Variants in MGAT4A observed in about 807,000 individuals in gnomAD.
MGAT4A encodes the protein alpha-1,3-mannosyl-glycoprotein 4-beta-N-acetylglucosaminyltransferase A.
Under a neutral mutation model 74.1 loss-of-function variants are expected in MGAT4A, and 33 were observed. The observed-to-expected ratio is 0.45, with a 90% CI of 0.34 to 0.60. The LOEUF (loss-of-function observed/expected upper bound fraction) is 0.60, where lower values mean the gene tolerates loss of function less well. Ranked by LOEUF, MGAT4A falls within the 20% of genes least tolerant of loss-of-function variation. The probability of loss-of-function intolerance (pLI) is 0.02; values close to 1 mark genes in which losing one functional copy is unlikely to be tolerated. For synonymous variants in MGAT4A, 198 were observed against 210.4 expected (o/e 0.94, Z 0.51); for missense variants, 479 against 628.3 (o/e 0.76, Z 2.54).
intron 3 of MGAT4A, 128 bp from the exon 4 acceptor site, chr2:98,675,303 T>A: frequency 1.6e-6 from 1 of 639,564 alleles, no homozygotes; most frequent in Non-Finnish European, 2.6e-6. Flanking sequence ...CACACTCTGG[T>A]GAATGAGATC....
chr2:98,708,358 C>T (rs1330322776), intron 2 of MGAT4A, among the ~76,000 whole-genome samples: 3 of 152,068 alleles, frequency 2.0e-5, no homozygotes, highest in Non-Finnish European at 4.4e-5. Flanking sequence ...TAGATATACT[C>T]GCTGATAATG....
chr2:98,720,794 A>C lies in MGAT4A; in HGVS notation c.94+5445T>G, dbSNP rs150199952. Among the ~76,000 whole-genome samples, 46 of 152,364 alleles carry C rather than the reference A, an allele frequency of 3.0e-4. 1 individual carries two copies. The highest frequency in any genetic ancestry group is 1.5e-3 in the Admixed American group (23 of 15,302). On this transcript the variant is annotated intron_variant, in intron 2 of 15. Transcript: ENST00000393487. The stretch of plus-strand genomic sequence containing the variant: ...AAAAATGAAAAATGAACACAGCCTC[A>C]GAGAAAGGTGGAACACCAATAAGCA...
chr2:98,681,987 G>T (rs1165357299), intron 2 of MGAT4A, among the ~76,000 whole-genome samples: 1 of 151,954 alleles, frequency 6.6e-6, no homozygotes, highest in Non-Finnish European at 1.5e-5. Flanking sequence ...CGATGGTAAT[G>T]GATTATAACC....
At position 98,622,983 on chromosome 2, in the gene MGAT4A, A is replaced by C; in HGVS notation, c.*2583T>G. The C allele has an allele frequency of 1.0e-6, 1 of 982,108 alleles. No individual in the cohort carries two copies. The allele number at this position is 982,108 out of a possible 1,614,324, so 60.8% of individuals were successfully genotyped here. A position where few individuals can be genotyped will look rare whatever the true frequency, so the allele number is the denominator to read the frequency against. ...CAGTGAGCTATGAGAGCACCACTGC[A>C]CTCCAGCCTGGGCAACAAAGCGAGA... On this transcript the variant is annotated 3_prime_UTR_variant, in exon 16 of 16. Coordinates refer to ENST00000393487, the MANE Select transcript of MGAT4A (RefSeq NM_012214.3).
chr2:98,699,968 G>C (rs748365909), intron 2 of MGAT4A, among the ~76,000 whole-genome samples: 14 of 152,152 alleles, frequency 9.2e-5, no homozygotes, highest in Admixed American at 1.3e-4. Flanking sequence ...TATAGGATAC[G>C]TGACCCGTCC....
intron 8 of MGAT4A, among the ~76,000 whole-genome samples, chr2:98,654,016 A>C (rs1274921705): frequency 6.6e-6 from 1 of 152,154 alleles, no homozygotes. Context: ...CACAAAAATC[A>C]ATCAGTGTAA....
At chr2:98,721,926 T>C (rs1702677975) in intron 2 of MGAT4A, among the ~76,000 whole-genome samples, 1 of 152,186 alleles carries the variant, frequency 6.6e-6, no homozygotes, top group South Asian at 2.1e-4. Context: ...TATGTATGCA[T>C]ATGCAACCCA....
chr2:98,704,836 C>T (rs1409910512), intron 2 of MGAT4A, among the ~76,000 whole-genome samples: 1 of 152,096 alleles, frequency 6.6e-6, no homozygotes, highest in African/African-American at 2.4e-5. Flanking sequence ...TAGCAAATTT[C>T]CCTCAAGATC....
At chr2:98,699,995 G>A (rs1702329086) in intron 2 of MGAT4A, among the ~76,000 whole-genome samples, 1 of 152,130 alleles carries the variant, frequency 6.6e-6, no homozygotes. Flanking sequence ...TTTTCTGCAC[G>A]TGAGATAACA....
intron 2 of MGAT4A, among the ~76,000 whole-genome samples, chr2:98,686,004 C>CAG (rs2104297780): frequency 6.6e-6 from 1 of 152,272 alleles, no homozygotes; most frequent in South Asian, 2.1e-4. Context: ...TTAAGGGTTC[C>CAG]AGGGACAGGG....
At chr2:98,652,208 C>T (rs559756590) in intron 8 of MGAT4A, among the ~76,000 whole-genome samples, 56 of 152,226 alleles carry the variant, frequency 3.7e-4, no homozygotes, top group Admixed American at 5.9e-4. Flanking sequence ...TATAATCAAA[C>T]GGACCCGACA....
intron 12 of MGAT4A, among the ~76,000 whole-genome samples, 166 bp downstream of exon 12, chr2:98,639,642 T>C (rs570748720): frequency 9.2e-5 from 14 of 152,180 alleles, no homozygotes; most frequent in Non-Finnish European, 1.9e-4. Flanking sequence ...GAAAACAACA[T>C]ACTCGTTTTA....
intron 1 of MGAT4A, among the ~76,000 whole-genome samples, chr2:98,727,531 C>T (rs1257864865): frequency 1.3e-5 from 2 of 152,192 alleles, no homozygotes; most frequent in Non-Finnish European, 2.9e-5. Context: ...CCTGGAGGCA[C>T]GCCAGGCCCT....
chr2:98,714,500 A>C (rs1279313089), intron 2 of MGAT4A, among the ~76,000 whole-genome samples: 5 of 152,206 alleles, frequency 3.3e-5, no homozygotes, highest in Non-Finnish European at 7.3e-5. Flanking sequence ...AATTCAAGAA[A>C]CGCAGGTGGA....
intron 3 of MGAT4A, among the ~76,000 whole-genome samples, chr2:98,677,010 AT>A (rs1469814038): frequency 2.6e-5 from 4 of 152,342 alleles, no homozygotes; most frequent in African/African-American, 9.6e-5. Flanking sequence ...GGATCTGGAG[AT>A]GAGAGGAATT....
intron 8 of MGAT4A, among the ~76,000 whole-genome samples, chr2:98,652,723 C>G (rs1270155604): frequency 6.6e-6 from 1 of 152,120 alleles, no homozygotes; most frequent in Non-Finnish European, 1.5e-5. Flanking sequence ...TCAACTGATA[C>G]TCCCACCTCA....
chr2:98,697,422 G>C (rs780559522), intron 2 of MGAT4A, among the ~76,000 whole-genome samples: 1 of 152,162 alleles, frequency 6.6e-6, no homozygotes, highest in Non-Finnish European at 1.5e-5. Context: ...TGTGACTATC[G>C]ACACCACAGG....
At position 98,678,461 on chromosome 2, in the gene MGAT4A, A is replaced by T; in HGVS notation, c.105T>A (p.Ile35=). 4 of 1,573,188 alleles carry T rather than the reference A, an allele frequency of 2.5e-6. No homozygotes were observed. The highest frequency in any genetic ancestry group is 3.5e-6 in the Non-Finnish European group (4 of 1,153,696). ...AAGCAAGGAATTCTCGTTGATAAGC[A>T]ATCAGTTTTTCTAGAAGCAAAACCA... The part of the protein sequence containing the change: ...TTWQNGKEKL[I]AYQREFLALK... The change falls in exon 3 of 16, where the codon ATT becomes ATA. Residue 35 remains isoleucine (I), a synonymous_variant. Coordinates refer to ENST00000393487, the MANE Select transcript of MGAT4A (RefSeq NM_012214.3).
At chr2:98,723,437 A>G (rs539055530) in intron 2 of MGAT4A, among the ~76,000 whole-genome samples, 1 of 152,172 alleles carries the variant, frequency 6.6e-6, no homozygotes. Flanking sequence ...AGGAGACTAT[A>G]AAACCTTTGC....
Sources: gnomAD v4.1 joint callset for allele counts (sites outside exome capture counted in the v4.1 genomes callset) on GRCh38, gnomAD v4.1.1 for gene constraint, MANE v1.5 for transcripts, NCBI Gene and HGNC (gene_info 2026-07-23, HGNC 2026-07-21) for gene names.